Variants in H1-6 observed in about 807,000 individuals in gnomAD.
The protein encoded by H1-6 is histone H1t.
For missense variants in H1-6, 538 were observed against 246.5 expected (o/e 2.18, Z -7.92); for synonymous variants, 225 against 100.1 (o/e 2.25, Z -7.45).
chr6:26,107,526 A>G lies in H1-6; in HGVS notation c.568T>C (p.Ser190Pro), dbSNP rs1278816856. 1.9e-6 allele frequency: 3 copies of G among 1,611,822 alleles called. No homozygotes were observed. The African/African-American group carries it at 4.0e-5, about 22-fold the overall frequency. The change falls in exon 1 of 1, where the codon TCA (serine) becomes CCA (proline). Residue 190 changes from serine (S) to proline (P), a missense_variant. Ser to Pro is a moderately conservative substitution (Grantham distance 74). Coordinates refer to ENST00000338379, the MANE Select transcript of H1-6 (RefSeq NM_005323.4). ...ACTTCATGATGTTGGGTCAATTTTG[A>G]CTTCGAAGCCCTTGCCTTCACTGGG... ...KSPVKARASK[S>P]KLTQHHEVNV...
chr6:26,108,050 G>C lies in H1-6; in HGVS notation c.44C>G (p.Ala15Gly), dbSNP rs376522424. 2 of 1,614,124 alleles carry C rather than the reference G, an allele frequency of 1.2e-6. No individual in the cohort carries two copies. Among genetic ancestry groups the C allele is most frequent in the South Asian group, 1.1e-5 (1 of 91,082 alleles). Residue 15 changes from alanine to glycine, a missense_variant, in exon 1 of 1, where the codon GCC (alanine) becomes GGC (glycine). Transcript: ENST00000338379. Reference protein sequence around the residue: ...VPAASASAGVAAMEKLPTKKR... With the variant: ...VPAASASAGVGAMEKLPTKKR... ...CTTGGTTGGAAGTTTCTCCATAGCG[G>C]CTACACCAGCACTGGCAGAAGCTGC... is the stretch of plus-strand genomic sequence containing the variant.
chr6:26,107,765 T>A lies in H1-6; in HGVS notation c.329A>T (p.Lys110Met). Residue 110 changes from lysine (K) to methionine (M), a missense_variant, in exon 1 of 1, where the codon AAG becomes ATG. Transcript: ENST00000338379. ...TTTAGGAATCACCTTCTTACTAAGC[T>A]TAAAGGAACCGGAAGCACCAGTACC... ...TRGTGASGSFKLSKKVIPKST... is the reference protein window; with the variant it reads ...TRGTGASGSFMLSKKVIPKST... The A allele has an allele frequency of 1.2e-6, 2 of 1,614,212 alleles. No individual in the cohort carries two copies. The highest frequency in any genetic ancestry group is 1.7e-6 in the Non-Finnish European group (2 of 1,180,030).
In H1-6 at chr6:26,107,454, C is replaced by T. The variant is rs1354495638; in HGVS notation, c.*16G>A. 1.9e-6 allele frequency: 3 copies of T among 1,564,514 alleles called. No homozygotes were observed. The highest frequency in any genetic ancestry group is 2.2e-5 in the East Asian group (1 of 44,612). ...AGCCTTTGGGTTCTTTCCAAATTGG[C>T]CTCCCGGAAAGCTCTTTACTTCTTA... On this transcript the variant is annotated 3_prime_UTR_variant, in exon 1 of 1. Transcript: ENST00000338379.
At position 26,107,917 on chromosome 6, in the gene H1-6, T is replaced by C; in HGVS notation, c.177A>G (p.Val59=). 4 of 1,614,226 alleles carry C rather than the reference T, an allele frequency of 2.5e-6. No individual in the cohort carries two copies. Among genetic ancestry groups the C allele is most frequent in the African/African-American group, 1.3e-5 (1 of 75,050 alleles). The change falls in exon 1 of 1, where the codon GTA becomes GTG. Residue 59 remains valine, a synonymous_variant. Coordinates refer to ENST00000338379, the MANE Select transcript of H1-6 (RefSeq NM_005323.4). ...TEALSVSQER[V]GMSLVALKKA... Reference sequence around the variant, plus strand: ...TCTTGAGCGCAACCAAAGACATACCTACTCGTTCCTGTGACACTGAAAGGG... The same window carrying C: ...TCTTGAGCGCAACCAAAGACATACCCACTCGTTCCTGTGACACTGAAAGGG...
At position 26,108,117 on chromosome 6, in the gene H1-6, A is replaced by G. The variant is rs1234935088; in HGVS notation, c.-24T>C. On this transcript the variant is annotated 5_prime_UTR_variant, in exon 1 of 1. Coordinates refer to ENST00000338379, the MANE Select transcript of H1-6 (RefSeq NM_005323.4). ...ATAACAACAGAGAAACGCAAGATGT[A>G]ATAACCAGCGAAAAGCATGAAACAC... 2 of 1,607,476 alleles carry G rather than the reference A, an allele frequency of 1.2e-6. No individual in the cohort carries two copies. Among genetic ancestry groups the G allele is most frequent in the South Asian group, 2.2e-5 (2 of 90,472 alleles).
chr6:26,107,431 C>T lies in H1-6; in HGVS notation c.*39G>A. Reference sequence around the variant, plus strand: ...ATAATGTGGGTGGCTCTTAAAAGAGCCTTTGGGTTCTTTCCAAATTGGCCT... The same window carrying T: ...ATAATGTGGGTGGCTCTTAAAAGAGTCTTTGGGTTCTTTCCAAATTGGCCT... On this transcript the variant is annotated 3_prime_UTR_variant, in exon 1 of 1. Coordinates refer to ENST00000338379, the MANE Select transcript of H1-6 (RefSeq NM_005323.4). 1.3e-6 allele frequency: 2 copies of T among 1,539,498 alleles called. No homozygotes were observed. The highest frequency in any genetic ancestry group is 1.7e-6 in the Non-Finnish European group (2 of 1,147,336).
Position 26,107,550 on chromosome 6 carries a change from G to A in H1-6, c.544C>T (p.Pro182Ser), listed in dbSNP as rs200394941. The A allele has an allele frequency of 2.5e-5, 41 of 1,613,792 alleles. No homozygotes were observed. Among genetic ancestry groups the A allele is most frequent in the Admixed American group, 3.3e-5 (2 of 59,962 alleles). ...GAKGKQQQKS[P>S]VKARASKSKL... ...GACTTCGAAGCCCTTGCCTTCACTGGGCTCTTCTGCTGTTGCTTACCCTTG... is the reference window on the plus strand; with the variant it reads ...GACTTCGAAGCCCTTGCCTTCACTGAGCTCTTCTGCTGTTGCTTACCCTTG... The change falls in exon 1 of 1, where the codon CCA becomes TCA. Residue 182 changes from proline (P) to serine (S), a missense_variant. Coordinates refer to ENST00000338379, the MANE Select transcript of H1-6 (RefSeq NM_005323.4).
chr6:26,107,564 T>C lies in H1-6; in HGVS notation c.530A>G (p.Gln177Arg), dbSNP rs1763274131. 6.2e-7 allele frequency: 1 copy of C among 1,614,196 alleles called. No individual in the cohort carries two copies. The highest frequency in any genetic ancestry group is 8.5e-7 in the Non-Finnish European group (1 of 1,180,020). ...GRKAKGAKGK[Q>R]QQKSPVKARA... is the part of the protein sequence containing the mutation. ...TGCCTTCACTGGGCTCTTCTGCTGTTGCTTACCCTTGGCTCCTTTAGCCTT... is the reference window on the plus strand; with the variant it reads ...TGCCTTCACTGGGCTCTTCTGCTGTCGCTTACCCTTGGCTCCTTTAGCCTT... The change falls in exon 1 of 1, where the codon CAA becomes CGA. Residue 177 changes from glutamine to arginine, a missense_variant. Transcript: ENST00000338379.
rs778046122 is a variant in H1-6, at chr6:26,107,743, A to G, written c.351T>C (p.Pro117=). 1.9e-4 allele frequency: 302 copies of G among 1,614,078 alleles called. No individual in the cohort carries two copies. The highest frequency in any genetic ancestry group is 2.4e-4 in the Non-Finnish European group (289 of 1,180,046). ...GSFKLSKKVI[P]KSTRSKAKKS... ...TTTTAGCCTTGCTTCTGGTAGATTT[A>G]GGAATCACCTTCTTACTAAGCTTAA... Residue 117 remains proline (P), a synonymous_variant, in exon 1 of 1, where the codon CCT becomes CCC. Coordinates refer to ENST00000338379, the MANE Select transcript of H1-6 (RefSeq NM_005323.4).
In H1-6 at chr6:26,107,694, T is replaced by G; in HGVS notation, c.400A>C (p.Lys134Gln). The change falls in exon 1 of 1, where the codon AAG (lysine) becomes CAG (glutamine). Residue 134 changes from lysine to glutamine, a missense_variant. Lys to Gln is a moderately conservative substitution (Grantham distance 53). Transcript: ENST00000338379. ...TTGGAGTCCCTGGATAAAACCAGCT[T>G]CTTGGTCTTGGCAGAAACTGACTTT... ...AKKSVSAKTK[K>Q]LVLSRDSKSP... 1.2e-6 allele frequency: 2 copies of G among 1,614,174 alleles called. No homozygotes were observed. The highest frequency in any genetic ancestry group is 1.7e-6 in the Non-Finnish European group (2 of 1,180,034).
At position 26,107,659 on chromosome 6, in the gene H1-6, CTT is replaced by C. The variant is rs1763279814; in HGVS notation, c.433_434del (p.Lys145AspfsTer3). On this transcript the variant is annotated frameshift_variant, in exon 1 of 1. Coordinates refer to ENST00000338379, the MANE Select transcript of H1-6 (RefSeq NM_005323.4). LOFTEE classifies it low-confidence loss of function (END_TRUNC). ...TGGCTCTCTTATTGGTTTTAGCAGT[CTT>C]TGGTGACTTGGAGTCCCTGGATAAA... Reference protein sequence around the residue: ...LVLSRDSKSPKTAKTNKRAKK... With the variant: ...LVLSRDSKSPXTAKTNKRAKK... 1.2e-6 allele frequency: 2 copies of C among 1,614,096 alleles called. No homozygotes were observed. The highest frequency in any genetic ancestry group is 1.7e-6 in the Non-Finnish European group (2 of 1,180,014).
Position 26,107,863 on chromosome 6 carries a change from T to C in H1-6, c.231A>G (p.Val77=). 2 of 1,614,246 alleles carry C rather than the reference T, an allele frequency of 1.2e-6. No homozygotes were observed. Among genetic ancestry groups the C allele is most frequent in the Non-Finnish European group, 1.7e-6 (2 of 1,180,052 alleles). ...GTTTGATGCGGCTGTTATTCTTCTC[T>C]ACGTCGTAGCCAGCAGCGGCCAATG... ...KKALAAAGYD[V]EKNNSRIKLS... Residue 77 remains valine (V), a synonymous_variant, in exon 1 of 1, where the codon GTA becomes GTG. Coordinates refer to ENST00000338379, the MANE Select transcript of H1-6 (RefSeq NM_005323.4).
rs758743520 is a variant in H1-6 at position 26,108,101 on chromosome 6, G to T, written c.-8C>A. 3.9e-5 allele frequency: 63 copies of T among 1,612,226 alleles called. No homozygotes were observed. The Admixed American group carries it at 5.7e-4, about 15-fold the overall frequency. On this transcript the variant is annotated 5_prime_UTR_variant, in exon 1 of 1. The change creates a new upstream start codon in the 5' untranslated region. Transcript: ENST00000338379. ...AGGCACGGTTTCAGACATAACAACA[G>T]AGAAACGCAAGATGTAATAACCAGC...
chr6:26,108,019 T>G lies in H1-6; in HGVS notation c.75A>C (p.Arg25=). 1 of 1,614,170 alleles carries G rather than the reference T, an allele frequency of 6.2e-7. No homozygotes were observed. Among genetic ancestry groups the G allele is most frequent in the Non-Finnish European group, 8.5e-7 (1 of 1,180,014 alleles). Residue 25 remains arginine, a synonymous_variant, in exon 1 of 1, where the codon CGA becomes CGC. Transcript: ENST00000338379. ...AAMEKLPTKK[R]GRKPAGLISA... is the part of the protein sequence containing the mutation. ...TTATCAAGCCAGCCGGCTTCCTCCC[T>G]CGCTTCTTGGTTGGAAGTTTCTCCA... is the stretch of plus-strand genomic sequence containing the variant.
rs200438352 is a variant in H1-6 at position 26,107,739 on chromosome 6, A to G, written c.355T>C (p.Ser119Pro). The G allele has an allele frequency of 1.8e-4, 283 of 1,614,148 alleles. 7 individuals are homozygous for G. In the South Asian group the frequency reaches 2.8e-3, roughly 16 times the overall value. Residue 119 changes from serine (S) to proline (P), a missense_variant, in exon 1 of 1, where the codon TCT (serine) becomes CCT (proline). Physicochemically the swap from Ser to Pro is moderately conservative, Grantham distance 74 (BLOSUM62 -1). Transcript: ENST00000338379. ...GACTTTTTAGCCTTGCTTCTGGTAG[A>G]TTTAGGAATCACCTTCTTACTAAGC... The part of the protein sequence containing the change: ...FKLSKKVIPK[S>P]TRSKAKKSVS...
In H1-6 at chr6:26,107,812, C is replaced by CT. The variant is rs1020049615; in HGVS notation, c.281dup (p.Ile96AsnfsTer15). Reference sequence around the variant, plus strand: ...TACCCCTGGTTTGCACCAGGATTCCCTTGTTCACTAAGCTCTTGAGGGACA... The same window carrying CT: ...TACCCCTGGTTTGCACCAGGATTCCCTTTGTTCACTAAGCTCTTGAGGGACA... On this transcript the variant is annotated frameshift_variant, in exon 1 of 1. Coordinates refer to ENST00000338379, the MANE Select transcript of H1-6 (RefSeq NM_005323.4). LOFTEE classifies it low-confidence loss of function (END_TRUNC). The CT allele has an allele frequency of 1.3e-5, 21 of 1,614,226 alleles. No homozygotes were observed. The highest frequency in any genetic ancestry group is 1.8e-5 in the Non-Finnish European group (21 of 1,180,046).
In H1-6 at chr6:26,107,714, G is replaced by A. The variant is rs745528416; in HGVS notation, c.380C>T (p.Ser127Leu). The change falls in exon 1 of 1, where the codon TCA becomes TTA. Residue 127 changes from serine (S) to leucine (L), a missense_variant. Physicochemically the swap from Ser to Leu is moderately radical, Grantham distance 145. Coordinates refer to ENST00000338379, the MANE Select transcript of H1-6 (RefSeq NM_005323.4). ...PKSTRSKAKKSVSAKTKKLVL... is the reference protein window; with the variant it reads ...PKSTRSKAKKLVSAKTKKLVL... ...CAGCTTCTTGGTCTTGGCAGAAACT[G>A]ACTTTTTAGCCTTGCTTCTGGTAGA... 20 of 1,613,984 alleles carry A rather than the reference G, an allele frequency of 1.2e-5. No individual in the cohort carries two copies. Among genetic ancestry groups the A allele is most frequent in the Non-Finnish European group, 1.7e-5 (20 of 1,180,016 alleles).
chr6:26,108,093 TAAC>T lies in H1-6; in HGVS notation c.-3_-1del, dbSNP rs750704033. On this transcript the variant is annotated 5_prime_UTR_variant, in exon 1 of 1. Transcript: ENST00000338379. The stretch of plus-strand genomic sequence containing the variant: ...GAAGCTGCAGGCACGGTTTCAGACA[TAAC>T]AACAGAGAAACGCAAGATGTAATAA... The T allele has an allele frequency of 4.9e-5, 79 of 1,613,098 alleles. No individual in the cohort carries two copies. In the East Asian group the frequency reaches 1.5e-3, roughly 30 times the overall value.
rs755897663 is a variant in H1-6, at chr6:26,108,116, T to C, written c.-23A>G. The C allele has an allele frequency of 2.7e-5, 44 of 1,607,684 alleles. No individual in the cohort carries two copies. Among genetic ancestry groups the C allele is most frequent in the Non-Finnish European group, 3.4e-5 (40 of 1,176,848 alleles). On this transcript the variant is annotated 5_prime_UTR_variant, in exon 1 of 1. Transcript: ENST00000338379. ...CATAACAACAGAGAAACGCAAGATGTAATAACCAGCGAAAAGCATGAAACA... is the reference window on the plus strand; with the variant it reads ...CATAACAACAGAGAAACGCAAGATGCAATAACCAGCGAAAAGCATGAAACA...
Sources: allele counts gnomAD v4.1 joint callset, GRCh38; gene constraint gnomAD v4.1.1; transcripts MANE v1.5; gene names NCBI Gene and HGNC (gene_info 2026-07-23, HGNC 2026-07-21).